Variants in CCDC7 observed in about 807,000 individuals in gnomAD.
CCDC7 encodes the protein coiled-coil domain-containing protein 7.
A neutral mutation model predicts 196.9 loss-of-function variants in CCDC7; 183 were observed. The observed-to-expected ratio is 0.93, with a 90% CI of 0.82 to 1.05. The LOEUF is 1.05. Among genes scored for constraint, CCDC7 ranks in the 50% least tolerant of loss-of-function variants. The pLI, the probability that CCDC7 is intolerant of heterozygous loss-of-function variation, is 0.00. For synonymous variants in CCDC7, 525 were observed against 484.6 expected, an observed-to-expected ratio of 1.08 and a Z score of -1.10; for missense variants, 1,540 against 1,482.2, an observed-to-expected ratio of 1.04 and a Z score of -0.64.
chr10:32,510,854 TC>T (rs1483681552), intron 9 of CCDC7, among the ~76,000 whole-genome samples: 2 of 152,028 alleles, frequency 1.3e-5, no homozygotes, highest in Admixed American at 6.6e-5. Flanking sequence ...TGATAAAGTA[TC>T]TATACAGAAA....
At chr10:32,564,260 A>G (rs2056359397) in intron 13 of CCDC7, among the ~76,000 whole-genome samples, 1 of 152,196 alleles carries the variant, frequency 6.6e-6, no homozygotes, top group Admixed American at 6.5e-5. Context: ...TCAGGGATCT[A>G]GAACTAGAAA....
At chr10:32,801,382 A>G (rs945633782) in intron 29 of CCDC7, among the ~76,000 whole-genome samples, 4 of 152,174 alleles carry the variant, frequency 2.6e-5, no homozygotes, top group Non-Finnish European at 5.9e-5. Flanking sequence ...ATTTCAGCTA[A>G]CAAAGCCAAT....
In CCDC7 at chr10:32,694,929, G is replaced by A. The variant is rs1171605311; in HGVS notation, c.2395G>A (p.Val799Met). Residue 799 changes from valine to methionine, a missense_variant, in exon 24 of 42, where the codon GTG becomes ATG. Val to Met is a conservative substitution (Grantham distance 21). Transcript: ENST00000639629. Reference sequence around the variant, plus strand: ...TCTTGTGCTTGAACATCAAGATTCAGTGTCAAAACTGGAAATGCAAATTGA... The same window carrying A: ...TCTTGTGCTTGAACATCAAGATTCAATGTCAAAACTGGAAATGCAAATTGA... The A allele has an allele frequency of 2.5e-6, 4 of 1,606,148 alleles. No individual in the cohort carries two copies. The Admixed American group carries it at 6.7e-5, about 27-fold the overall frequency.
At chr10:32,519,832 A>C (rs1177420770) in intron 11 of CCDC7, among the ~76,000 whole-genome samples, 1 of 151,934 alleles carries the variant, frequency 6.6e-6, no homozygotes, top group East Asian at 1.9e-4. Context: ...ATTCTTTCCA[A>C]CTACATTTTT....
chr10:32,640,613 T>G (rs1373081243), intron 20 of CCDC7, among the ~76,000 whole-genome samples: 4 of 152,210 alleles, frequency 2.6e-5, no homozygotes, highest in African/African-American at 9.6e-5. Context: ...TCTATGGTCT[T>G]TACAATTTGG....
intron 13 of CCDC7, among the ~76,000 whole-genome samples, chr10:32,560,413 A>G (rs1012894791): frequency 4.9e-4 from 74 of 152,306 alleles, no homozygotes; most frequent in Middle Eastern, 3.4e-3. Context: ...TGTTAAGGGC[A>G]GCCAGAGAGA....
At chr10:32,822,236 T>C (rs2090372595) in intron 31 of CCDC7, among the ~76,000 whole-genome samples, 1 of 152,186 alleles carries the variant, frequency 6.6e-6, no homozygotes, top group Admixed American at 6.5e-5. Context: ...TGTACAAATA[T>C]ATATTCCACC....
chr10:32,755,833 C>A (rs1210176974), intron 28 of CCDC7, among the ~76,000 whole-genome samples: 1 of 152,054 alleles, frequency 6.6e-6, no homozygotes, highest in Non-Finnish European at 1.5e-5. Context: ...ATATTCAAAC[C>A]CATCACAAGA....
At chr10:32,510,585 A>T (rs2045957207) in intron 9 of CCDC7, among the ~76,000 whole-genome samples, 1 of 152,196 alleles carries the variant, frequency 6.6e-6, no homozygotes, top group South Asian at 2.1e-4. Context: ...ATTCATTGGG[A>T]TAGATACAAT....
At chr10:32,753,270 A>G (rs1030849469) in intron 28 of CCDC7, among the ~76,000 whole-genome samples, 5 of 152,208 alleles carry the variant, frequency 3.3e-5, no homozygotes, top group Non-Finnish European at 5.9e-5. Flanking sequence ...CTTAAGTTAT[A>G]GTCATATTCA....
At chr10:32,663,034 G>A (rs942029019) in intron 20 of CCDC7, among the ~76,000 whole-genome samples, 8 of 152,084 alleles carry the variant, frequency 5.3e-5, no homozygotes, top group Non-Finnish European at 1.2e-4. Flanking sequence ...GAAAAGAGAG[G>A]TTCTCATATG....
chr10:32,610,128 G>A lies in CCDC7; in HGVS notation c.1802-24126G>A, dbSNP rs188438690. 8.1e-3 allele frequency among the ~76,000 whole-genome samples: 1,224 copies of A among 151,490 alleles called. 6 individuals carry two copies. Among genetic ancestry groups the A allele is most frequent in the Middle Eastern group, 0.021 (6 of 290 alleles). ...CTTGTTTGTTTGTTTATTTTGAGACGGAGTCTTGCTCTGTCACCCAGGCTG... is the reference window on the plus strand; with the variant it reads ...CTTGTTTGTTTGTTTATTTTGAGACAGAGTCTTGCTCTGTCACCCAGGCTG... On this transcript the variant is annotated intron_variant, in intron 18 of 41. Transcript: ENST00000639629.
At chr10:32,673,535 T>C (rs2074400353) in intron 21 of CCDC7, among the ~76,000 whole-genome samples, 2 of 152,074 alleles carry the variant, frequency 1.3e-5, no homozygotes, top group South Asian at 4.1e-4. Flanking sequence ...GTAAGTAGGA[T>C]TGATTTTGAA....
chr10:32,851,725 G>C (rs981548219), intron 39 of CCDC7, 82 bp from the exon 41 acceptor site: 22 of 1,262,736 alleles, frequency 1.7e-5, no homozygotes, highest in Middle Eastern at 1.9e-4. Context: ...TTGATGTTGT[G>C]TGCATATATA....
At chr10:32,559,539 C>G (rs969370281) in intron 13 of CCDC7, among the ~76,000 whole-genome samples, 1 of 152,260 alleles carries the variant, frequency 6.6e-6, no homozygotes, top group Non-Finnish European at 1.5e-5. Context: ...TGTGCAGCCA[C>G]TGCTGCTGTT....
chr10:32,506,953 T>G (rs890566748), intron 9 of CCDC7, among the ~76,000 whole-genome samples: 3 of 152,182 alleles, frequency 2.0e-5, no homozygotes, highest in African/African-American at 4.8e-5. Flanking sequence ...CTTATATAAG[T>G]ATAGCCACTC....
chr10:32,533,246 AACACACACACAC>A (rs58119017), intron 11 of CCDC7, among the ~76,000 whole-genome samples: 3 of 144,524 alleles, frequency 2.1e-5, no homozygotes, highest in East Asian at 2.1e-4. Context: ...AAACAAAGGA[AACACACACACAC>A]ACACACACAC....
At chr10:32,731,831 A>G (rs2084019463) in intron 28 of CCDC7, among the ~76,000 whole-genome samples, 2 of 152,212 alleles carry the variant, frequency 1.3e-5, no homozygotes, top group African/African-American at 4.8e-5. Context: ...AGGCGGGCTG[A>G]TCACAAGTTC....
chr10:32,853,066 T>C (rs1473861961), intron 40 of CCDC7, among the ~76,000 whole-genome samples: 1 of 152,172 alleles, frequency 6.6e-6, no homozygotes. Flanking sequence ...ATATTTTAGA[T>C]AAATGTAATT....
Sources: gnomAD v4.1 joint callset for allele counts (sites outside exome capture counted in the v4.1 genomes callset) on GRCh38, gnomAD v4.1.1 for gene constraint, MANE v1.5 for transcripts, NCBI Gene and HGNC (gene_info 2026-07-23, HGNC 2026-07-21) for gene names.